The following PRKCE variants were observed in gnomAD, a reference collection of about 807,000 sequenced individuals.
The protein encoded by PRKCE is protein kinase C epsilon.
A neutral mutation model predicts 85.4 loss-of-function variants in PRKCE; 16 were observed. The observed-to-expected ratio is 0.19, with a 90% CI of 0.13 to 0.28. The LOEUF (loss-of-function observed/expected upper bound fraction) is 0.28. Among genes scored for constraint, PRKCE ranks in the 10% least tolerant of loss-of-function variants. The probability of loss-of-function intolerance (pLI) is 1.00; values close to 1 mark genes in which losing one functional copy is unlikely to be tolerated. For synonymous variants in PRKCE, 388 were observed against 371.5 expected, an observed-to-expected ratio of 1.04 and a Z score of -0.51; for missense variants, 573 against 975.2, an observed-to-expected ratio of 0.59 and a Z score of 5.49.
chr2:46,026,262 G>T (rs1437469770), intron 10 of PRKCE, among the ~76,000 whole-genome samples: 1 of 152,168 alleles, frequency 6.6e-6, no homozygotes, highest in Non-Finnish European at 1.5e-5. Context: ...GGGTATAAAA[G>T]CTATGTGGAT....
chr2:45,979,127 T>C (rs879429946), intron 4 of PRKCE, 117 bp downstream of exon 4: 31 of 960,296 alleles, frequency 3.2e-5, no homozygotes, highest in Non-Finnish European at 4.5e-5. Context: ...ACAGCTTGCA[T>C]GCTTTCTTTG....
At chr2:45,953,351 A>G (rs1700752266) in intron 2 of PRKCE, among the ~76,000 whole-genome samples, 1 of 152,220 alleles carries the variant, frequency 6.6e-6, no homozygotes, top group Non-Finnish European at 1.5e-5. Context: ...CAGAGCCAAG[A>G]CGATTCTCCA....
intron 10 of PRKCE, among the ~76,000 whole-genome samples, chr2:46,029,861 A>G (rs1011840814): frequency 1.2e-4 from 19 of 152,060 alleles, no homozygotes; most frequent in Non-Finnish European, 2.2e-4. Flanking sequence ...TTTGGAGGGC[A>G]TTTGCTGGGG....
At chr2:45,784,716 A>G (rs770223453) in intron 1 of PRKCE, among the ~76,000 whole-genome samples, 2 of 152,232 alleles carry the variant, frequency 1.3e-5, no homozygotes, top group Non-Finnish European at 2.9e-5. Flanking sequence ...TTGATTTAAC[A>G]GTGATGAAGC....
intron 10 of PRKCE, among the ~76,000 whole-genome samples, chr2:46,076,735 A>G (rs974801819): frequency 6.6e-6 from 1 of 152,178 alleles, no homozygotes; most frequent in Non-Finnish European, 1.5e-5. Context: ...CAAAAGTGGG[A>G]TGGACTCTAC....
chr2:45,943,997 G>A (rs1485043118), intron 2 of PRKCE, among the ~76,000 whole-genome samples: 6 of 152,210 alleles, frequency 3.9e-5, no homozygotes, highest in Admixed American at 1.3e-4. Flanking sequence ...GATGTGATTC[G>A]TTCAAAGGCA....
chr2:46,066,905 C>T (rs1273381094), intron 10 of PRKCE, among the ~76,000 whole-genome samples: 1 of 152,094 alleles, frequency 6.6e-6, no homozygotes, highest in Non-Finnish European at 1.5e-5. Context: ...CTCATTTGAA[C>T]CATTTGAACT....
intron 2 of PRKCE, among the ~76,000 whole-genome samples, chr2:45,844,889 A>G (rs970312272): frequency 4.6e-5 from 7 of 152,124 alleles, no homozygotes; most frequent in Non-Finnish European, 1.0e-4. Context: ...TTGCTTCTAC[A>G]GCTTATTGCA....
chr2:45,685,628 A>T (rs1677236573), intron 1 of PRKCE: 1 of 152,184 alleles, frequency 6.6e-6, no homozygotes, highest in Non-Finnish European at 1.5e-5. Context: ...CAGCTCCAAA[A>T]AAAAAAAATA....
chr2:45,676,617 C>T (rs1385792589), intron 1 of PRKCE: 2 of 152,254 alleles, frequency 1.3e-5, no homozygotes, highest in African/African-American at 2.4e-5. Flanking sequence ...TCATTCTTGA[C>T]TGGACATACA....
intron 10 of PRKCE, among the ~76,000 whole-genome samples, chr2:46,084,664 G>C (rs1669410395): frequency 6.9e-6 from 1 of 144,914 alleles, no homozygotes; most frequent in African/African-American, 2.6e-5. Flanking sequence ...AGAAGTTGCA[G>C]TGAGCTGAGA....
intron 1 of PRKCE, among the ~76,000 whole-genome samples, chr2:45,830,451 C>G (rs931756900): frequency 3.3e-5 from 5 of 151,976 alleles, no homozygotes; most frequent in Non-Finnish European, 5.9e-5. Flanking sequence ...ATCTCCTAGA[C>G]TATGGAATAA....
At chr2:45,976,983 G>A (rs1298956172) in intron 3 of PRKCE, among the ~76,000 whole-genome samples, 1 of 150,370 alleles carries the variant, frequency 6.7e-6, no homozygotes, top group Non-Finnish European at 1.5e-5. Flanking sequence ...TGCAACCTCT[G>A]TCTCCCAGGT....
chr2:45,873,727 G>A (rs1284886711), intron 2 of PRKCE, among the ~76,000 whole-genome samples: 1 of 152,216 alleles, frequency 6.6e-6, no homozygotes, highest in Non-Finnish European at 1.5e-5. Flanking sequence ...TGTTCCAGGA[G>A]ACAGCTTGTC....
intron 1 of PRKCE, among the ~76,000 whole-genome samples, chr2:45,822,721 CTGAG>C (rs763396868): frequency 8.5e-5 from 13 of 152,210 alleles, no homozygotes; most frequent in Non-Finnish European, 1.2e-4. Flanking sequence ...GTGTCACTCA[CTGAG>C]TGAGTTCCAT....
chr2:45,699,955 G>A (rs546846450), intron 1 of PRKCE, among the ~76,000 whole-genome samples: 5 of 152,236 alleles, frequency 3.3e-5, no homozygotes, highest in South Asian at 2.1e-4. Context: ...GGGGTAGCAG[G>A]TGGGGTGATA....
intron 10 of PRKCE, among the ~76,000 whole-genome samples, chr2:46,011,336 C>A (rs1348786087): frequency 6.6e-6 from 1 of 152,230 alleles, no homozygotes; most frequent in African/African-American, 2.4e-5. Flanking sequence ...TACCTTGCTT[C>A]TGGGTGTATT....
intron 2 of PRKCE, among the ~76,000 whole-genome samples, chr2:45,921,405 A>T (rs1484358307): frequency 6.6e-6 from 1 of 152,266 alleles, no homozygotes; most frequent in Non-Finnish European, 1.5e-5. Flanking sequence ...GGGAGAAAAT[A>T]ACAATAGTTT....
intron 1 of PRKCE, among the ~76,000 whole-genome samples, chr2:45,814,329 C>G (rs1688865500): frequency 6.6e-6 from 1 of 152,156 alleles, no homozygotes; most frequent in Non-Finnish European, 1.5e-5. Flanking sequence ...AATTGGATGC[C>G]CCGATACCCT....
Sources: gnomAD v4.1 joint callset for allele counts (sites outside exome capture counted in the v4.1 genomes callset) on GRCh38, gnomAD v4.1.1 for gene constraint, MANE v1.5 for transcripts, NCBI Gene and HGNC (gene_info 2026-07-23, HGNC 2026-07-21) for gene names.